The following FARS2 variants were observed in gnomAD, a reference collection of about 807,000 sequenced individuals.
FARS2 encodes phenylalanine--tRNA ligase, mitochondrial.
A neutral mutation model predicts 46.4 loss-of-function variants in FARS2; 40 were observed. The ratio of observed to expected loss-of-function variants is 0.86; its 90% CI spans 0.67 to 1.12. The LOEUF is 1.12. Ranked by LOEUF, FARS2 falls within the 50% of genes most tolerant of loss-of-function variation. FARS2 has a pLI of 0.00. For missense variants in FARS2, 513 were observed against 567.9 expected, an observed-to-expected ratio of 0.90 and a Z score of 0.98; for synonymous variants, 234 against 214.9, an observed-to-expected ratio of 1.09 and a Z score of -0.78.
At chr6:5,534,531 C>A (rs78628021) in intron 4 of FARS2, among the ~76,000 whole-genome samples, 2 of 151,990 alleles carry the variant, frequency 1.3e-5, no homozygotes, top group African/African-American at 4.8e-5. Flanking sequence ...TTTTGCCTGG[C>A]TTCTTTCACT....
chr6:5,360,415 G>T (rs1022532114), intron 1 of FARS2, among the ~76,000 whole-genome samples: 2 of 152,134 alleles, frequency 1.3e-5, no homozygotes, highest in African/African-American at 2.4e-5. Context: ...AGTGGGAGAG[G>T]TATACATGTC....
At chr6:5,732,541 A>G (rs1760702540) in intron 6 of FARS2, among the ~76,000 whole-genome samples, 1 of 152,244 alleles carries the variant, frequency 6.6e-6, no homozygotes, top group African/African-American at 2.4e-5. Context: ...ATGACCATGA[A>G]TGAAATGAAT....
chr6:5,415,627 T>C (rs184304315), intron 3 of FARS2, among the ~76,000 whole-genome samples: 2 of 152,296 alleles, frequency 1.3e-5, no homozygotes, highest in Admixed American at 6.5e-5. Flanking sequence ...TAATTTGTGT[T>C]TTCTTAGTTG....
intron 6 of FARS2, among the ~76,000 whole-genome samples, chr6:5,728,762 T>C (rs981746963): frequency 6.6e-6 from 1 of 152,180 alleles, no homozygotes; most frequent in African/African-American, 2.4e-5. Context: ...GTCGGGTTTC[T>C]TCAGAAAATA....
In FARS2 at chr6:5,503,019, T is replaced by G. The variant is rs553355302; in HGVS notation, c.905-42161T>G. Among the ~76,000 whole-genome samples the G allele has an allele frequency of 1.5e-3, 230 of 152,236 alleles. 1 individual carries two copies. In the Middle Eastern group the frequency reaches 0.017, roughly 11 times the overall value. ...GTAAATCCATTCAAAAAGCTCAATG[T>G]TTATGATCAAATTATTTATTTTTGT... On this transcript the variant is annotated intron_variant, in intron 4 of 6. Coordinates refer to ENST00000274680, the MANE Select transcript of FARS2 (RefSeq NM_006567.5).
intron 1 of FARS2, among the ~76,000 whole-genome samples, chr6:5,325,576 C>G (rs912243652): frequency 2.6e-5 from 4 of 152,212 alleles, no homozygotes; most frequent in African/African-American, 9.7e-5. Context: ...GCCCAGTAAT[C>G]TTCCTACAGC....
chr6:5,610,931 TAGAAG>T (rs1775146580), intron 5 of FARS2, among the ~76,000 whole-genome samples: 1 of 152,158 alleles, frequency 6.6e-6, no homozygotes, highest in Non-Finnish European at 1.5e-5. Context: ...CTCACGCAGT[TAGAAG>T]AGAAAACACA....
chr6:5,262,578 C>G (rs1290744127), intron 1 of FARS2, among the ~76,000 whole-genome samples: 1 of 152,188 alleles, frequency 6.6e-6, no homozygotes, highest in African/African-American at 2.4e-5. Context: ...CACGCCCAGC[C>G]TCTATTTTCA....
intron 6 of FARS2, among the ~76,000 whole-genome samples, chr6:5,615,634 T>C (rs375768895): frequency 6.6e-6 from 1 of 152,328 alleles, no homozygotes; most frequent in East Asian, 1.9e-4. Flanking sequence ...GTCCTCTTTT[T>C]TCCCTCAATT....
At chr6:5,653,972 C>A (rs190782596) in intron 6 of FARS2, among the ~76,000 whole-genome samples, 1 of 152,286 alleles carries the variant, frequency 6.6e-6, no homozygotes, top group Non-Finnish European at 1.5e-5. Flanking sequence ...CAGTCCTTGG[C>A]AGTCTTGGAG....
rs538114034 is a variant in FARS2 at position 5,517,879 on chromosome 6, A to G, written c.905-27301A>G. Among the ~76,000 whole-genome samples, 18 of 152,336 alleles carry G rather than the reference A, an allele frequency of 1.2e-4. No homozygotes were observed. The South Asian group carries it at 3.7e-3, about 32-fold the overall frequency. On this transcript the variant is annotated intron_variant, in intron 4 of 6. Transcript: ENST00000274680. The stretch of plus-strand genomic sequence containing the variant: ...TTACACTCTAGCATAGTCCAGCCCA[A>G]TAGAAATATAATGTAAGTCCCCGCC...
At chr6:5,648,490 T>A (rs867214469) in intron 6 of FARS2, among the ~76,000 whole-genome samples, 2 of 152,164 alleles carry the variant, frequency 1.3e-5, no homozygotes, top group Non-Finnish European at 2.9e-5. Context: ...TCCCTCTCCC[T>A]GCACTGGGGA....
chr6:5,302,282 T>C (rs994151789), intron 1 of FARS2, among the ~76,000 whole-genome samples: 1 of 152,198 alleles, frequency 6.6e-6, no homozygotes, highest in Non-Finnish European at 1.5e-5. Flanking sequence ...TCAGTAGGGC[T>C]TGGTGGGGAC....
chr6:5,453,557 T>G (rs1031682168), intron 4 of FARS2, among the ~76,000 whole-genome samples: 6 of 152,260 alleles, frequency 3.9e-5, no homozygotes, highest in African/African-American at 1.4e-4. Context: ...TTCCTTAGTC[T>G]CTTCTTACTA....
intron 6 of FARS2, among the ~76,000 whole-genome samples, chr6:5,769,692 G>T (rs1762932679): frequency 1.3e-5 from 2 of 152,180 alleles, no homozygotes; most frequent in African/African-American, 4.8e-5. Flanking sequence ...TTGGGTGAGG[G>T]AATGGGGCAG....
intron 1 of FARS2, among the ~76,000 whole-genome samples, chr6:5,350,447 C>G (rs4960080): frequency 1.3e-5 from 2 of 151,964 alleles, no homozygotes; most frequent in East Asian, 3.9e-4. Context: ...GCGATAGTAA[C>G]GAAGGCACTG....
chr6:5,672,763 C>T (rs1561791360), intron 6 of FARS2, among the ~76,000 whole-genome samples: 1 of 152,110 alleles, frequency 6.6e-6, no homozygotes, highest in Non-Finnish European at 1.5e-5. Flanking sequence ...AGAATGAGGC[C>T]ACAGTGATTC....
chr6:5,708,859 T>TCACTATGTTGCCCAGGCTGG (rs1758928766), intron 6 of FARS2, among the ~76,000 whole-genome samples: 1 of 152,204 alleles, frequency 6.6e-6, no homozygotes, highest in Non-Finnish European at 1.5e-5. Context: ...AGACGGGACC[T>TCACTATGTTGCCCAGGCTGG]CACTATGTTG....
intron 5 of FARS2, among the ~76,000 whole-genome samples, chr6:5,566,425 C>G (rs549808669): frequency 6.6e-6 from 1 of 152,084 alleles, no homozygotes; most frequent in Non-Finnish European, 1.5e-5. Flanking sequence ...AGAACAGAGC[C>G]GTTGATTTTG....
Sources: allele counts gnomAD v4.1 joint callset (sites outside exome capture counted in the v4.1 genomes callset), GRCh38; gene constraint gnomAD v4.1.1; transcripts MANE v1.5; gene names NCBI Gene and HGNC (gene_info 2026-07-23, HGNC 2026-07-21).